Variants in PALM2AKAP2 observed in about 807,000 individuals in gnomAD.
PALM2AKAP2 encodes the protein PALM2 and AKAP2 fusion, also known as PALM2-AKAP2 fusion protein.
In PALM2AKAP2, 37 loss-of-function variants were observed where a neutral mutation model predicts 71.5. The observed-to-expected ratio is 0.52, with a 90% confidence interval of 0.40 to 0.68. The LOEUF (loss-of-function observed/expected upper bound fraction) is 0.68. Ranked by LOEUF, PALM2AKAP2 falls within the 30% of genes least tolerant of loss-of-function variation. The pLI, the probability that PALM2AKAP2 is intolerant of heterozygous loss-of-function variation, is 0.00. For missense variants in PALM2AKAP2, 1,224 were observed against 1,191.8 expected (o/e 1.03, Z -0.40); for synonymous variants, 468 against 478.8 (o/e 0.98, Z 0.29).
chr9:110,006,826 C>T lies in PALM2AKAP2; in HGVS notation c.497-9128C>T, dbSNP rs150925972. 4.6e-5 allele frequency among the ~76,000 whole-genome samples: 7 copies of T among 152,286 alleles called. No homozygotes were observed. The East Asian group carries it at 1.2e-3, about 25-fold the overall frequency. On this transcript the variant is annotated intron_variant, in intron 6 of 9. Transcript: ENST00000302798. The stretch of plus-strand genomic sequence containing the variant: ...CTGATGGCCCCCTACCTATTCCTGT[C>T]GTTGCTAGTCAAGATCCTGTTTCAT...
chr9:110,118,365 G>A (rs1023212513), intron 1 of PALM2AKAP2, among the ~76,000 whole-genome samples: 1 of 151,968 alleles, frequency 6.6e-6, no homozygotes, highest in African/African-American at 2.4e-5. Flanking sequence ...TCCTGCCTCT[G>A]CCTCCTAAGT....
At chr9:110,090,129 AC>A (rs1834671484) in intron 1 of PALM2AKAP2, 1 of 294,334 alleles carries the variant, frequency 3.4e-6, no homozygotes, top group African/African-American at 2.2e-5. Flanking sequence ...TCCAAAGTGT[AC>A]CTTTGAACCG....
intron 1 of PALM2AKAP2, among the ~76,000 whole-genome samples, chr9:109,861,947 A>G (rs1829321938): frequency 6.6e-6 from 1 of 152,218 alleles, no homozygotes; most frequent in South Asian, 2.1e-4. Context: ...AAAAAAGAGG[A>G]TAGTACACTC....
At chr9:110,160,200 G>C (rs1033815223) in intron 3 of PALM2AKAP2, among the ~76,000 whole-genome samples, 3 of 152,178 alleles carry the variant, frequency 2.0e-5, no homozygotes, top group Admixed American at 6.5e-5. Flanking sequence ...CACACATTTG[G>C]GGGGTAGAGT....
chr9:110,134,290 A>G (rs1475755430), intron 1 of PALM2AKAP2, among the ~76,000 whole-genome samples: 1 of 152,162 alleles, frequency 6.6e-6, no homozygotes, highest in Non-Finnish European at 1.5e-5. Flanking sequence ...TAAAAAAAAA[A>G]AGGAAGGTGG....
At chr9:109,947,812 C>A (rs764674987) in intron 6 of PALM2AKAP2, among the ~76,000 whole-genome samples, 1 of 152,164 alleles carries the variant, frequency 6.6e-6, no homozygotes, top group Non-Finnish European at 1.5e-5. Context: ...ATTTTTGCCA[C>A]ATGCACATTT....
intron 1 of PALM2AKAP2, among the ~76,000 whole-genome samples, chr9:109,837,279 A>C (rs1828508156): frequency 6.6e-6 from 1 of 152,214 alleles, no homozygotes; most frequent in Non-Finnish European, 1.5e-5. Flanking sequence ...AGCCAAACTA[A>C]GCTTCATTAG....
chr9:110,160,128 A>G (rs1836559306), intron 3 of PALM2AKAP2, among the ~76,000 whole-genome samples: 1 of 152,156 alleles, frequency 6.6e-6, no homozygotes, highest in Non-Finnish European at 1.5e-5. Context: ...CTTTGTGTGA[A>G]TTAGGAAAAA....
chr9:109,820,725 G>A (rs1319048643), intron 1 of PALM2AKAP2, among the ~76,000 whole-genome samples: 2 of 152,190 alleles, frequency 1.3e-5, no homozygotes, highest in Admixed American at 1.3e-4. Context: ...GTAGTCGTTG[G>A]GAGAATCCAT....
intron 6 of PALM2AKAP2, chr9:109,944,417 C>A (rs1185402216): frequency 6.6e-6 from 1 of 152,174 alleles, no homozygotes; most frequent in Non-Finnish European, 1.5e-5. Context: ...GATGCTCCCA[C>A]TTCATCATGG....
chr9:110,011,250 C>T lies in PALM2AKAP2; in HGVS notation c.497-4704C>T, dbSNP rs1011452028. Among the ~76,000 whole-genome samples, 9 of 147,406 alleles carry T rather than the reference C, an allele frequency of 6.1e-5. No homozygotes were observed. The East Asian group carries it at 1.6e-3, about 26-fold the overall frequency. On this transcript the variant is annotated intron_variant, in intron 6 of 9. Transcript: ENST00000302798. ...TATATTTCTATTATATATATATATA[C>T]TTTTTTCCCCAAGTTCTTAGGTCAG...
chr9:110,042,154 C>T (rs867729447), intron 7 of PALM2AKAP2, among the ~76,000 whole-genome samples: 2 of 152,110 alleles, frequency 1.3e-5, no homozygotes, highest in African/African-American at 2.4e-5. Flanking sequence ...GGGCCGGATG[C>T]GGTGGCTCAG....
chr9:109,954,980 CCACCAACACCAA>C (rs1414708244), intron 6 of PALM2AKAP2, among the ~76,000 whole-genome samples: 1 of 152,108 alleles, frequency 6.6e-6, no homozygotes, highest in African/African-American at 2.4e-5. Flanking sequence ...TTGTTCATCA[CCACCAACACCAA>C]CACCACCACC....
At chr9:110,169,404 G>A (rs1325078791) in exon 4 of PALM2AKAP2, 1 of 152,130 alleles carries the variant, frequency 6.6e-6, no homozygotes, top group East Asian at 1.9e-4. Flanking sequence ...GGCATTTTTA[G>A]AGCGGCAATA....
intron 1 of PALM2AKAP2, among the ~76,000 whole-genome samples, chr9:109,866,813 C>T (rs547123540): frequency 9.9e-5 from 15 of 152,272 alleles, no homozygotes; most frequent in African/African-American, 3.6e-4. Context: ...AGAAGTCAGA[C>T]AGGTAGTGAG....
intron 1 of PALM2AKAP2, among the ~76,000 whole-genome samples, chr9:109,798,217 C>A (rs1157771256): frequency 1.3e-5 from 2 of 152,132 alleles, no homozygotes; most frequent in African/African-American, 4.8e-5. Context: ...TAGGGCCTAC[C>A]CTAATGACAT....
At chr9:109,906,870 CATT>C (rs1339698090) in intron 3 of PALM2AKAP2, among the ~76,000 whole-genome samples, 1 of 152,202 alleles carries the variant, frequency 6.6e-6, no homozygotes, top group African/African-American at 2.4e-5. Flanking sequence ...GAATCAGACT[CATT>C]AGTGTGGCAT....
chr9:110,004,264 T>G (rs13289650), intron 6 of PALM2AKAP2, among the ~76,000 whole-genome samples: 5,114 of 152,212 alleles, frequency 0.034, 118 homozygotes, highest in Non-Finnish European at 0.05. Flanking sequence ...GTCTGTGAAG[T>G]ATTTTATTTC....
At chr9:110,138,315 C>T in exon 2 of PALM2AKAP2, 1 of 1,614,230 alleles carries the variant, frequency 6.2e-7, no homozygotes. Context: ...CTGAGAAGCA[C>T]AGCCTCCCTC....
Sources: gnomAD v4.1 joint callset for allele counts (sites outside exome capture counted in the v4.1 genomes callset) on GRCh38, gnomAD v4.1.1 for gene constraint, MANE v1.5 for transcripts, NCBI Gene and HGNC (gene_info 2026-07-23, HGNC 2026-07-21) for gene names.